The following GABRG3 variants were observed in gnomAD, a reference collection of about 807,000 sequenced individuals.
GABRG3 encodes the protein gamma-aminobutyric acid type A receptor subunit gamma3.
In GABRG3, 25 loss-of-function variants were observed where a neutral mutation model predicts 48.8. The ratio of observed to expected loss-of-function variants is 0.51; its 90% CI spans 0.37 to 0.72. The LOEUF is 0.72. Among genes scored for constraint, GABRG3 ranks in the 30% least tolerant of loss-of-function variants. The probability of loss-of-function intolerance (pLI) is 0.00; values close to 1 mark genes in which losing one functional copy is unlikely to be tolerated. For missense variants in GABRG3, 394 were observed against 577.9 expected (o/e 0.68, Z 3.26); for synonymous variants, 227 against 217.6 (o/e 1.04, Z -0.38).
intron 2 of GABRG3, among the ~76,000 whole-genome samples, chr15:27,025,431 T>C (rs1431430255): frequency 6.6e-6 from 1 of 152,224 alleles, no homozygotes; most frequent in African/African-American, 2.4e-5. Flanking sequence ...TTAGCAAAGC[T>C]TAGTCTAAAA....
intron 5 of GABRG3, among the ~76,000 whole-genome samples, chr15:27,346,080 G>A (rs1452877816): frequency 1.1e-4 from 2 of 18,398 alleles, no homozygotes; most frequent in East Asian, 1.4e-3. Context: ...AGAGAAAGAA[G>A]AGAGAGAAAG....
chr15:27,047,100 T>C (rs1896378641), intron 3 of GABRG3, among the ~76,000 whole-genome samples: 2 of 152,308 alleles, frequency 1.3e-5, no homozygotes, highest in Admixed American at 1.3e-4. Context: ...GCTGGTTTCC[T>C]CTCCAGAGAT....
intron 3 of GABRG3, among the ~76,000 whole-genome samples, chr15:27,252,373 C>T (rs1403753604): frequency 1.3e-5 from 2 of 152,112 alleles, no homozygotes; most frequent in African/African-American, 4.8e-5. Context: ...GCACTACCTC[C>T]CCATCTCTAA....
chr15:27,165,825 C>G (rs1201254908), intron 3 of GABRG3, among the ~76,000 whole-genome samples: 1 of 152,076 alleles, frequency 6.6e-6, no homozygotes, highest in Non-Finnish European at 1.5e-5. Context: ...CCTGTCATAC[C>G]TGTCGCAAAG....
At chr15:27,482,549 G>A (rs1890125599) in intron 6 of GABRG3, among the ~76,000 whole-genome samples, 1 of 152,184 alleles carries the variant, frequency 6.6e-6, no homozygotes, top group Admixed American at 6.5e-5. Flanking sequence ...TCAGATAAAT[G>A]CCCTTTTATA....
intron 5 of GABRG3, among the ~76,000 whole-genome samples, chr15:27,398,727 A>G (rs1468122332): frequency 6.6e-6 from 1 of 152,094 alleles, no homozygotes; most frequent in African/African-American, 2.4e-5. Context: ...TTGTATAATT[A>G]AGTAATATTT....
chr15:27,272,346 G>A (rs1891117646), intron 3 of GABRG3, among the ~76,000 whole-genome samples: 1 of 152,166 alleles, frequency 6.6e-6, no homozygotes, highest in African/African-American at 2.4e-5. Context: ...ACTGGGCCAG[G>A]GTTGGAACCC....
intron 3 of GABRG3, among the ~76,000 whole-genome samples, chr15:27,247,749 C>G (rs1244079174): frequency 1.3e-5 from 2 of 152,176 alleles, no homozygotes; most frequent in Non-Finnish European, 2.9e-5. Context: ...AGGCACATTT[C>G]ACATGGTGGC....
intron 3 of GABRG3, among the ~76,000 whole-genome samples, chr15:27,259,696 G>A (rs1890717221): frequency 6.6e-6 from 1 of 152,108 alleles, no homozygotes; most frequent in African/African-American, 2.4e-5. Context: ...AGAGAGGGAA[G>A]GTGCATATTC....
intron 3 of GABRG3, among the ~76,000 whole-genome samples, chr15:27,186,779 GTTT>G (rs1247388657): frequency 2.0e-5 from 3 of 151,974 alleles, no homozygotes; most frequent in Non-Finnish European, 4.4e-5. Flanking sequence ...ATTTTTTCAC[GTTT>G]GGTGTCTTCT....
chr15:27,503,360 C>T (rs1890688060), intron 6 of GABRG3, among the ~76,000 whole-genome samples: 2 of 152,184 alleles, frequency 1.3e-5, no homozygotes, highest in Non-Finnish European at 2.9e-5. Context: ...ATTTCGATCA[C>T]CACATGGGCC....
chr15:27,486,719 T>G (rs965819028), intron 6 of GABRG3, among the ~76,000 whole-genome samples: 2 of 152,166 alleles, frequency 1.3e-5, no homozygotes, highest in African/African-American at 4.8e-5. Context: ...CTCCTTTATA[T>G]GGGTATTGTG....
intron 3 of GABRG3, among the ~76,000 whole-genome samples, chr15:27,302,519 T>G (rs1892247446): frequency 6.6e-6 from 1 of 151,826 alleles, no homozygotes; most frequent in South Asian, 2.1e-4. Context: ...AAAACAGAAA[T>G]AGATATATCC....
chr15:27,256,394 TGG>T (rs1890618438), intron 3 of GABRG3, among the ~76,000 whole-genome samples: 7 of 143,794 alleles, frequency 4.9e-5, no homozygotes, highest in Non-Finnish European at 1.0e-4. Flanking sequence ...TGAGCCGAGA[TGG>T]CGCCACTGCA....
At chr15:27,324,859 A>G (rs1893553127) in intron 3 of GABRG3, among the ~76,000 whole-genome samples, 1 of 152,216 alleles carries the variant, frequency 6.6e-6, no homozygotes, top group Non-Finnish European at 1.5e-5. Flanking sequence ...TTTGGGCCCT[A>G]CAGCTTTCAG....
At chr15:27,511,584 G>A (rs543808222) in intron 6 of GABRG3, among the ~76,000 whole-genome samples, 8 of 152,314 alleles carry the variant, frequency 5.3e-5, no homozygotes, top group African/African-American at 1.9e-4. Context: ...ATGATGATGA[G>A]AAGATTAAAA....
chr15:27,224,204 C>T (rs979894171), intron 3 of GABRG3, among the ~76,000 whole-genome samples: 17 of 152,206 alleles, frequency 1.1e-4, no homozygotes, highest in South Asian at 8.3e-4. Context: ...TTTTCATCCC[C>T]GGTGCTTTCC....
At chr15:27,362,002 A>G (rs1421600023) in intron 5 of GABRG3, among the ~76,000 whole-genome samples, 1 of 152,230 alleles carries the variant, frequency 6.6e-6, no homozygotes, top group African/African-American at 2.4e-5. Flanking sequence ...ATATACATGT[A>G]TATCTTGCCC....
intron 3 of GABRG3, among the ~76,000 whole-genome samples, chr15:27,075,785 G>T (rs559353801): frequency 6.6e-6 from 1 of 152,194 alleles, no homozygotes; most frequent in South Asian, 2.1e-4. Context: ...GCTCCCTGGT[G>T]GGGGTGAGAC....
Sources: gnomAD v4.1 joint callset for allele counts (sites outside exome capture counted in the v4.1 genomes callset) on GRCh38, gnomAD v4.1.1 for gene constraint, MANE v1.5 for transcripts, NCBI Gene and HGNC (gene_info 2026-07-23, HGNC 2026-07-21) for gene names.